RPS6KA1: variants seen among roughly 807,000 people sequenced by gnomAD.
The protein encoded by RPS6KA1 is ribosomal protein S6 kinase A1, also known as ribosomal protein S6 kinase alpha-1.
RPS6KA1 carries 48 observed loss-of-function variants against 91.3 expected under a neutral mutation model. The observed-to-expected ratio is 0.53, with a 90% CI of 0.42 to 0.67. The LOEUF (loss-of-function observed/expected upper bound fraction) is 0.67. Among genes scored for constraint, RPS6KA1 ranks in the 30% least tolerant of loss-of-function variants. The pLI, the probability that RPS6KA1 is intolerant of heterozygous loss-of-function variation, is 0.00. For missense variants in RPS6KA1, 719 were observed against 960.5 expected (o/e 0.75, Z 3.32); for synonymous variants, 359 against 384.7 (o/e 0.93, Z 0.78).
At chr1:26,553,572 G>A in intron 7 of RPS6KA1, 75 bp downstream of exon 7, 1 of 903,900 alleles carries the variant, frequency 1.1e-6, no homozygotes, top group African/African-American at 1.7e-5. Flanking sequence ...CCTGAGGTGG[G>A]TGGGCATGGC....
Position 26,547,742 on chromosome 1 carries a change from G to A in RPS6KA1, c.307+472G>A, listed in dbSNP as rs1484940783. ...AGAGAGGTTCAGAAGGGAGCCCCGA[G>A]CCAAGGTTAGAGTTCTGGGGACTTA... On this transcript the variant is annotated intron_variant, in intron 4 of 21. Coordinates refer to ENST00000374168, the MANE Select transcript of RPS6KA1 (RefSeq NM_002953.4). The surrounding 1 kb of genome is among the most constrained non-coding windows in gnomAD (Gnocchi z 4.1). 2.0e-5 allele frequency among the ~76,000 whole-genome samples: 3 copies of A among 152,130 alleles called. No individual in the cohort carries two copies. The East Asian group carries it at 5.8e-4, about 29-fold the overall frequency.
At chr1:26,538,574 C>A (rs1303932959) in intron 2 of RPS6KA1, among the ~76,000 whole-genome samples, 1 of 152,168 alleles carries the variant, frequency 6.6e-6, no homozygotes, top group East Asian at 1.9e-4. Flanking sequence ...AGAGCTTAAC[C>A]TATGCCTAGC....
At chr1:26,552,010 A>C (rs2076054882) in intron 6 of RPS6KA1, among the ~76,000 whole-genome samples, 1 of 152,230 alleles carries the variant, frequency 6.6e-6, no homozygotes, top group African/African-American at 2.4e-5. Flanking sequence ...GTGTGAAGAT[A>C]GGGGAGAAGC....
At chr1:26,536,450 C>T (rs1257097100) in intron 1 of RPS6KA1, among the ~76,000 whole-genome samples, 1 of 152,210 alleles carries the variant, frequency 6.6e-6, no homozygotes, top group Non-Finnish European at 1.5e-5. Context: ...GGGTTGCATG[C>T]TTTCCCAGAC....
At position 26,569,581 on chromosome 1, in the gene RPS6KA1, C is replaced by G. The variant is rs575428210; in HGVS notation, c.1591-1868C>G. Among the ~76,000 whole-genome samples the G allele has an allele frequency of 1.1e-4, 16 of 152,294 alleles. No homozygotes were observed. In the South Asian group the frequency reaches 3.1e-3, roughly 30 times the overall value. ...GCCATGTCTACCTACTCCACGGGCT[C>G]CACGGGCATTGCTGGAGGGCTTGGA... On this transcript the variant is annotated intron_variant, in intron 17 of 21. Transcript: ENST00000374168.
Position 26,554,857 on chromosome 1 carries a change from C to A in RPS6KA1, c.756+119C>A. On this transcript the variant is annotated intron_variant, in intron 9 of 21. Coordinates refer to ENST00000374168, the MANE Select transcript of RPS6KA1 (RefSeq NM_002953.4). This position sits in a 1 kb window ranked among gnomAD's most constrained non-coding sequence, Gnocchi z 4.6. ...CTCCCCGTCTCCTCTCACAGCCAAGCTGGCCTCACCCTATATGCACCTGCA... is the reference window on the plus strand; with the variant it reads ...CTCCCCGTCTCCTCTCACAGCCAAGATGGCCTCACCCTATATGCACCTGCA... The A allele has an allele frequency of 7.4e-7, 1 of 1,356,972 alleles. No individual in the cohort carries two copies. Among genetic ancestry groups the A allele is most frequent in the Non-Finnish European group, 1.0e-6 (1 of 992,740 alleles). The allele number at this position is 1,356,972 out of a possible 1,614,324, so 84.1% of individuals were successfully genotyped here.
chr1:26,542,443 A>G (rs1249310574), intron 2 of RPS6KA1, among the ~76,000 whole-genome samples: 1 of 152,214 alleles, frequency 6.6e-6, no homozygotes, highest in African/African-American at 2.4e-5. Context: ...GTTTCCGATC[A>G]TCGGCCTGAG....
At chr1:26,538,542 G>A (rs968305664) in intron 2 of RPS6KA1, among the ~76,000 whole-genome samples, 2 of 152,158 alleles carry the variant, frequency 1.3e-5, no homozygotes, top group South Asian at 2.1e-4. Flanking sequence ...ATGGAGTCTC[G>A]AATGCCACTT....
At chr1:26,546,071 G>C in intron 2 of RPS6KA1, 1 of 1,602,476 alleles carries the variant, frequency 6.2e-7, no homozygotes, top group Non-Finnish European at 8.5e-7. Context: ...TGACCTGGCT[G>C]TGTCCCTTGC....
chr1:26,564,547 C>G (rs1449345396), intron 17 of RPS6KA1, among the ~76,000 whole-genome samples: 1 of 152,172 alleles, frequency 6.6e-6, no homozygotes, highest in African/African-American at 2.4e-5. Flanking sequence ...TATGAGCCAC[C>G]GCGCCCGGCC....
intron 2 of RPS6KA1, among the ~76,000 whole-genome samples, chr1:26,537,180 G>A (rs900207399): frequency 1.3e-5 from 2 of 152,234 alleles, no homozygotes; most frequent in Admixed American, 1.3e-4. Context: ...GGCCCAGAAA[G>A]GGTCAGGAGC....
intron 13 of RPS6KA1, among the ~76,000 whole-genome samples, chr1:26,557,317 G>A (rs2076111687): frequency 6.6e-6 from 1 of 152,112 alleles, no homozygotes; most frequent in Admixed American, 6.5e-5. Context: ...CTTTGTGTCT[G>A]GTGAGAGAGT....
Position 26,529,925 on chromosome 1 carries a change from C to T in RPS6KA1, c.5C>T (p.Pro2Leu). The T allele has an allele frequency of 1.4e-6, 2 of 1,430,716 alleles. No homozygotes were observed. The highest frequency in any genetic ancestry group is 2.6e-5 in the Admixed American group (1 of 38,686). 88.6% of individuals were successfully genotyped at this position (1,430,716 alleles called of 1,614,324 possible). A position where few individuals can be genotyped will look rare whatever the true frequency, so the allele number is the denominator to read the frequency against. Residue 2 changes from proline (P) to leucine (L), a missense_variant, in exon 1 of 22, where the codon CCG becomes CTG. Transcript: ENST00000374168. This position sits in a 1 kb window ranked among gnomAD's most constrained non-coding sequence, Gnocchi z 4.2. MPLAQLKEPWPL... is the reference protein window; with the variant it reads MLLAQLKEPWPL... ...GGGTGACCTGGCGGCGGCGAGATGC[C>T]GCTCGCCCAGCTCAAGGAGCCCTGG...
chr1:26,552,860 T>G (rs750314505), intron 6 of RPS6KA1: 1 of 424,704 alleles, frequency 2.4e-6, no homozygotes, highest in Non-Finnish European at 4.7e-6. Flanking sequence ...TGAAGAAGTC[T>G]TCCTCCCACC....
Position 26,571,385 on chromosome 1 carries a change from C to T in RPS6KA1, c.1591-64C>T, listed in dbSNP as rs143436698. The T allele has an allele frequency of 6.0e-4, 908 of 1,525,216 alleles. 7 individuals are homozygous for T. In the African/African-American group the frequency reaches 0.011, roughly 18 times the overall value. The allele number at this position is 1,525,216 out of a possible 1,614,324, so 94.5% of individuals were successfully genotyped here. On this transcript the variant is annotated intron_variant, in intron 17 of 21. Coordinates refer to ENST00000374168, the MANE Select transcript of RPS6KA1 (RefSeq NM_002953.4). This position sits in a 1 kb window ranked among gnomAD's most constrained non-coding sequence, Gnocchi z 5.1. ...GTCTGTGTAGCTTTCTAATCTCTGG[C>T]CGCTGACCTGGGCCACTAGCCACCT...
At chr1:26,566,457 T>C (rs2076203249) in intron 17 of RPS6KA1, among the ~76,000 whole-genome samples, 1 of 151,900 alleles carries the variant, frequency 6.6e-6, no homozygotes, top group South Asian at 2.1e-4. Context: ...GCTAATTTTT[T>C]TGTATTTTTA....
chr1:26,573,483 A>G (rs1336886688), intron 21 of RPS6KA1, 122 bp downstream of exon 21: 2 of 1,151,978 alleles, frequency 1.7e-6, no homozygotes, highest in Admixed American at 2.0e-5. Context: ...GGAACATAGG[A>G]GAAGAAGACA....
intron 2 of RPS6KA1, among the ~76,000 whole-genome samples, chr1:26,537,629 T>G (rs1001370640): frequency 6.6e-6 from 1 of 152,224 alleles, no homozygotes; most frequent in Non-Finnish European, 1.5e-5. Context: ...GCCTTGGCTT[T>G]CTCATCTGTA....
chr1:26,546,868 A>T lies in RPS6KA1; in HGVS notation c.110A>T (p.Asp37Val), dbSNP rs1372944132. The change falls in exon 3 of 22, where the codon GAT becomes GTT. Residue 37 changes from aspartate (D) to valine (V), a missense_variant and splice_region_variant. Physicochemically the swap from Asp to Val is radical, Grantham distance 152 (BLOSUM62 -3). Coordinates refer to ENST00000374168, the MANE Select transcript of RPS6KA1 (RefSeq NM_002953.4). ...CCACCAGCTCTGTCCCTCCATCAGG[A>T]TGAGGGCGTCCTCAAGGAGATCTCC... ...GEEAGLQPSKDEGVLKEISIT... is the reference protein window; with the variant it reads ...GEEAGLQPSKVEGVLKEISIT... The T allele has an allele frequency of 6.2e-7, 1 of 1,613,180 alleles. No homozygotes were observed. The highest frequency in any genetic ancestry group is 1.7e-5 in the Admixed American group (1 of 60,000).
Sources: gnomAD v4.1 joint callset for allele counts (sites outside exome capture counted in the v4.1 genomes callset) on GRCh38, gnomAD v4.1.1 for gene constraint, Gnocchi (gnomAD v3.1) non-coding constraint, MANE v1.5 for transcripts, NCBI Gene and HGNC (gene_info 2026-07-23, HGNC 2026-07-21) for gene names.